DLGAP2: variants seen among roughly 807,000 people sequenced by gnomAD.
DLGAP2 encodes the protein disks large-associated protein 2.
A neutral mutation model predicts 100.3 loss-of-function variants in DLGAP2; 26 were observed. The ratio of observed to expected loss-of-function variants is 0.26; its 90% CI spans 0.19 to 0.36. The LOEUF (loss-of-function observed/expected upper bound fraction) is 0.36, where lower values mean the gene tolerates loss of function less well. Ranked by LOEUF, DLGAP2 falls within the 10% of genes least tolerant of loss-of-function variation. DLGAP2 has a pLI of 1.00. For missense variants in DLGAP2, 1,858 were observed against 1,453.2 expected (o/e 1.28, Z -4.53); for synonymous variants, 886 against 630.1 (o/e 1.41, Z -6.08).
rs1266109186 is a variant in DLGAP2, at chr8:1,702,409, C to T, written c.*1003C>T. The T allele has an allele frequency of 3.9e-5, 6 of 151,944 alleles. No homozygotes were observed. The highest frequency in any genetic ancestry group is 8.8e-5 in the Non-Finnish European group (6 of 67,920). The allele number at this position is 151,944 out of a possible 1,614,324, so 9.4% of individuals were successfully genotyped here. A position where few individuals can be genotyped will look rare whatever the true frequency, so the allele number is the denominator to read the frequency against. ...ACAAAAGTTTGCTTGTTTAAAATGA[C>T]AGTTGTGATGTAAAAAGTTTAAGAA... On this transcript the variant is annotated 3_prime_UTR_variant, in exon 15 of 15. Coordinates refer to ENST00000637795, the MANE Select transcript of DLGAP2 (RefSeq NM_001346810.2).
At chr8:1,049,927 T>C (rs534464230) in intron 2 of DLGAP2, among the ~76,000 whole-genome samples, 27 of 152,292 alleles carry the variant, frequency 1.8e-4, no homozygotes, top group Admixed American at 1.1e-3. Context: ...CACATGCATA[T>C]GTACACACGT....
At chr8:797,143 C>G (rs902114158) in intron 1 of DLGAP2, among the ~76,000 whole-genome samples, 1 of 152,162 alleles carries the variant, frequency 6.6e-6, no homozygotes, top group East Asian at 1.9e-4. Flanking sequence ...CAATTGAACA[C>G]GACCCTGTAG....
At position 1,175,729 on chromosome 8, in the gene DLGAP2, C is replaced by T. The variant is rs1797238433; in HGVS notation, c.74-83122C>T. Among the ~76,000 whole-genome samples, 3 of 152,186 alleles carry T rather than the reference C, an allele frequency of 2.0e-5. No homozygotes were observed. The South Asian group carries it at 6.2e-4, about 32-fold the overall frequency. On this transcript the variant is annotated intron_variant, in intron 2 of 14. Transcript: ENST00000637795. Reference sequence around the variant, plus strand: ...CTTTAAGAGCTCAATTCTTGACCTGCTCTGTGTGAATGAATAACTAGATCT... The same window carrying T: ...CTTTAAGAGCTCAATTCTTGACCTGTTCTGTGTGAATGAATAACTAGATCT...
intron 1 of DLGAP2, among the ~76,000 whole-genome samples, chr8:836,002 G>GACTTTTT (rs1449237142): frequency 1.3e-5 from 2 of 152,212 alleles, no homozygotes; most frequent in African/African-American, 4.8e-5. Context: ...TTCCTTGGAA[G>GACTTTTT]ACTTTTTGTC....
chr8:1,525,380 T>A (rs6991225), intron 4 of DLGAP2, among the ~76,000 whole-genome samples: 2 of 152,318 alleles, frequency 1.3e-5, no homozygotes, highest in South Asian at 4.1e-4. Flanking sequence ...TGAAATTGAT[T>A]GCTGTTAGCT....
rs1037544278 is a variant in DLGAP2, at chr8:1,457,393, G to C, written c.107-43973G>C. Among the ~76,000 whole-genome samples the C allele has an allele frequency of 2.0e-5, 3 of 152,244 alleles. No homozygotes were observed. In the South Asian group the frequency reaches 6.2e-4, roughly 32 times the overall value. On this transcript the variant is annotated intron_variant, in intron 3 of 14. Coordinates refer to ENST00000637795, the MANE Select transcript of DLGAP2 (RefSeq NM_001346810.2). Reference sequence around the variant, plus strand: ...TAAAATGAAACTCTGAGTTTTCCTGGAGGCTGTGTATGCCGTAAGAAATTT... The same window carrying C: ...TAAAATGAAACTCTGAGTTTTCCTGCAGGCTGTGTATGCCGTAAGAAATTT...
intron 3 of DLGAP2, chr8:1,259,694 A>T (rs995658317): frequency 6.6e-6 from 1 of 152,132 alleles, no homozygotes; most frequent in African/African-American, 2.4e-5. Flanking sequence ...GATGATCCCA[A>T]CGTGTGACTC....
At chr8:1,595,385 C>T (rs561825216) in intron 6 of DLGAP2, among the ~76,000 whole-genome samples, 20 of 152,164 alleles carry the variant, frequency 1.3e-4, no homozygotes, top group Admixed American at 3.9e-4. Context: ...ATAGGTCGGC[C>T]GGGCGCGGTG....
intron 1 of DLGAP2, among the ~76,000 whole-genome samples, chr8:761,051 T>G (rs894017893): frequency 3.9e-5 from 6 of 152,172 alleles, no homozygotes; most frequent in South Asian, 2.1e-4. Flanking sequence ...TAGCATCGAG[T>G]GTTTGCCTGT....
At chr8:865,287 T>A (rs1406500827) in intron 1 of DLGAP2, among the ~76,000 whole-genome samples, 1 of 152,194 alleles carries the variant, frequency 6.6e-6, no homozygotes, top group Non-Finnish European at 1.5e-5. Flanking sequence ...TAATACCAAA[T>A]GACAGAGAGG....
chr8:957,377 G>C (rs1799620503), intron 2 of DLGAP2, among the ~76,000 whole-genome samples: 2 of 152,216 alleles, frequency 1.3e-5, no homozygotes, highest in Non-Finnish European at 2.9e-5. Context: ...GTCCTTCGTT[G>C]ATCTATAGAA....
chr8:1,424,605 G>A (rs1480784432), intron 3 of DLGAP2, among the ~76,000 whole-genome samples: 2 of 152,156 alleles, frequency 1.3e-5, no homozygotes, highest in Non-Finnish European at 2.9e-5. Flanking sequence ...CTAACATGTG[G>A]CACTTGGAGG....
At chr8:1,499,597 G>A (rs759915757) in intron 3 of DLGAP2, among the ~76,000 whole-genome samples, 1 of 152,152 alleles carries the variant, frequency 6.6e-6, no homozygotes, top group Non-Finnish European at 1.5e-5. Flanking sequence ...GCTGAAAAAC[G>A]CAGCTTAAAC....
intron 14 of DLGAP2, 37 bp from the exon 15 acceptor site, chr8:1,701,151 C>T (rs768295701): frequency 1.4e-5 from 21 of 1,540,450 alleles, no homozygotes; most frequent in South Asian, 8.4e-5. Context: ...GACCCTCCTC[C>T]GAGCACCTGC....
intron 2 of DLGAP2, among the ~76,000 whole-genome samples, chr8:1,209,342 G>A (rs1798058693): frequency 6.6e-6 from 1 of 152,070 alleles, no homozygotes. Flanking sequence ...CCCAGAAATA[G>A]AGTGTAATTT....
Position 1,034,083 on chromosome 8 carries a change from G to A in DLGAP2, c.73+126117G>A, listed in dbSNP as rs1394348755. On this transcript the variant is annotated intron_variant, in intron 2 of 14. Transcript: ENST00000637795. ...GCGAGTGGGTTCACAGCCTCATCCC[G>A]ACCCCGCGTGTCACCGCGAGGGGAC... 6.0e-5 allele frequency among the ~76,000 whole-genome samples: 4 copies of A among 67,118 alleles called. No individual in the cohort carries two copies. In the Admixed American group the frequency reaches 6.3e-4, roughly 11 times the overall value. 44.0% of individuals were successfully genotyped at this position (67,118 alleles called of 152,430 possible).
At chr8:1,523,642 C>A (rs1189113088) in intron 4 of DLGAP2, among the ~76,000 whole-genome samples, 4 of 152,184 alleles carry the variant, frequency 2.6e-5, no homozygotes, top group African/African-American at 9.7e-5. Flanking sequence ...CTTTGGTGGT[C>A]CATAAACATA....
chr8:1,315,181 C>A (rs563390877), intron 3 of DLGAP2, among the ~76,000 whole-genome samples: 2 of 152,208 alleles, frequency 1.3e-5, no homozygotes, highest in African/African-American at 4.8e-5. Flanking sequence ...CGATAATTCC[C>A]AACACTCAAG....
At position 1,430,011 on chromosome 8, in the gene DLGAP2, T is replaced by TATATATATATATATATATATATAC. The variant is rs1348288489; in HGVS notation, c.107-71338_107-71337insTATATACATATATATATATATATA. ...GGGGAGAGATGCATATATATACATATATATATATATATATATACACACACA... is the reference window on the plus strand; with the variant it reads ...GGGGAGAGATGCATATATATACATATATATATATATATATATATATATACATATATATATATATATACACACACA... On this transcript the variant is annotated intron_variant, in intron 3 of 14. Transcript: ENST00000637795. Among the ~76,000 whole-genome samples, 163 of 63,890 alleles carry TATATATATATATATATATATATAC rather than the reference T, an allele frequency of 2.6e-3. 12 individuals are homozygous for TATATATATATATATATATATATAC. Among genetic ancestry groups the TATATATATATATATATATATATAC allele is most frequent in the African/African-American group, 8.3e-3 (150 of 18,076 alleles). The allele number at this position is 63,890 out of a possible 152,430, so 41.9% of individuals were successfully genotyped here. A position where few individuals can be genotyped will look rare whatever the true frequency, so the allele number is the denominator to read the frequency against.
Sources: gnomAD v4.1 joint callset for allele counts (sites outside exome capture counted in the v4.1 genomes callset) on GRCh38, gnomAD v4.1.1 for gene constraint, MANE v1.5 for transcripts, NCBI Gene and HGNC (gene_info 2026-07-23, HGNC 2026-07-21) for gene names.